The following RBM26 variants were observed in gnomAD, a reference collection of about 807,000 sequenced individuals.
RBM26 encodes the protein RNA-binding protein 26.
A neutral mutation model predicts 123.6 loss-of-function variants in RBM26; 30 were observed. The observed-to-expected ratio is 0.24, with a 90% confidence interval of 0.18 to 0.33. The LOEUF (loss-of-function observed/expected upper bound fraction) is 0.33. Ranked by LOEUF, RBM26 falls within the 10% of genes least tolerant of loss-of-function variation. The pLI is 1.00. For synonymous variants in RBM26, 400 were observed against 404.4 expected (o/e 0.99, Z 0.13); for missense variants, 947 against 1,203.6 (o/e 0.79, Z 3.15).
At chr13:79,327,461 C>A (rs972536533) in intron 20 of RBM26, among the ~76,000 whole-genome samples, 1 of 151,826 alleles carries the variant, frequency 6.6e-6, no homozygotes, top group African/African-American at 2.4e-5. Flanking sequence ...ATGTTTTTAA[C>A]ATTTTTCTAA....
rs1319379319 is a variant in RBM26 at position 79,340,619 on chromosome 13, TATAA to T, written c.2532+500_2532+503del. On this transcript the variant is annotated intron_variant, in intron 18 of 21. Coordinates refer to ENST00000438737, the MANE Select transcript of RBM26 (RefSeq NM_001366735.2). ...CAATTTCACTAGGAGTTGTTTCTTA[TATAA>T]ATAACCATCTAATTAAATTACAAGA... 3.3e-5 allele frequency among the ~76,000 whole-genome samples: 5 copies of T among 152,086 alleles called. No homozygotes were observed. The East Asian group carries it at 7.7e-4, about 23-fold the overall frequency.
chr13:79,353,541 A>T (rs1035703434), intron 13 of RBM26, among the ~76,000 whole-genome samples: 4 of 152,224 alleles, frequency 2.6e-5, no homozygotes, highest in Non-Finnish European at 4.4e-5. Context: ...ATATATGCCC[A>T]CTTACTGAGC....
intron 1 of RBM26, among the ~76,000 whole-genome samples, chr13:79,400,325 G>A (rs1232635561): frequency 6.6e-6 from 1 of 152,150 alleles, no homozygotes; most frequent in African/African-American, 2.4e-5. Flanking sequence ...GGTACTGGCA[G>A]GTTTGGCAAT....
chr13:79,375,098 A>ATATATCATATAAT (rs1566518205), intron 3 of RBM26, among the ~76,000 whole-genome samples: 1 of 1,200 alleles, frequency 8.3e-4, no homozygotes, highest in African/African-American at 3.4e-3. Context: ...ATATATATTT[A>ATATATCATATAAT]TATATATCAT....
intron 18 of RBM26, among the ~76,000 whole-genome samples, chr13:79,337,746 T>C (rs2070684596): frequency 1.3e-5 from 2 of 152,250 alleles, no homozygotes; most frequent in South Asian, 4.1e-4. Context: ...TCAAATCATT[T>C]TAATTACTTA....
intron 20 of RBM26, among the ~76,000 whole-genome samples, chr13:79,329,854 T>C (rs2069021854): frequency 6.6e-6 from 1 of 152,178 alleles, no homozygotes; most frequent in Non-Finnish European, 1.5e-5. Flanking sequence ...GTACTGTATT[T>C]TTTTAAGGCT....
chr13:79,315,747 T>G (rs2067086716), downstream of RBM26, among the ~76,000 whole-genome samples: 1 of 151,900 alleles, frequency 6.6e-6, no homozygotes, highest in Non-Finnish European at 1.5e-5. Context: ...TAGGTGTTTT[T>G]CTACTAAGCA....
chr13:79,384,609 T>A (rs1184473885), intron 1 of RBM26, among the ~76,000 whole-genome samples: 1 of 152,182 alleles, frequency 6.6e-6, no homozygotes, highest in Non-Finnish European at 1.5e-5. Flanking sequence ...GCTTCATGCA[T>A]ACCCTTTAAA....
At chr13:79,395,585 AT>A (rs1478405323) in intron 1 of RBM26, among the ~76,000 whole-genome samples, 2 of 152,038 alleles carry the variant, frequency 1.3e-5, no homozygotes, top group Non-Finnish European at 2.9e-5. Context: ...ACAAAAAAAA[AT>A]AAAAATTAAA....
chr13:79,331,813 C>T (rs971573860), intron 20 of RBM26, among the ~76,000 whole-genome samples: 7 of 152,108 alleles, frequency 4.6e-5, no homozygotes, highest in Non-Finnish European at 1.0e-4. Context: ...ATGGAAGAGA[C>T]GACTGCTTTA....
chr13:79,340,369 G>A (rs41364649), intron 18 of RBM26, among the ~76,000 whole-genome samples: 4,614 of 151,946 alleles, frequency 0.03, 177 homozygotes, highest in African/African-American at 0.085. Context: ...GATTTCTACC[G>A]TGTCCAAAAA....
intron 21 of RBM26, among the ~76,000 whole-genome samples, chr13:79,321,095 T>C (rs1322754001): frequency 4.6e-5 from 7 of 151,466 alleles, no homozygotes; most frequent in Non-Finnish European, 7.4e-5. Context: ...CAATGACTTG[T>C]ATAAAATTCT....
rs934428663 is a variant in RBM26, at chr13:79,353,227, A to C, written c.1987-3T>G. ...TTCACAGATAACTTAGTTACATTCT[A>C]AAAAAATTAAAATGGACATATTCAG... On this transcript the variant is annotated splice_polypyrimidine_tract_variant and splice_region_variant and intron_variant, in intron 13 of 21. Coordinates refer to ENST00000438737, the MANE Select transcript of RBM26 (RefSeq NM_001366735.2). The C allele has an allele frequency of 6.6e-7, 1 of 1,524,980 alleles. No homozygotes were observed. Among genetic ancestry groups the C allele is most frequent in the African/African-American group, 1.4e-5 (1 of 73,012 alleles). The allele number at this position is 1,524,980 out of a possible 1,614,324, so 94.5% of individuals were successfully genotyped here. A position where few individuals can be genotyped will look rare whatever the true frequency, so the allele number is the denominator to read the frequency against.
chr13:79,385,071 C>CG (rs2077371849), intron 1 of RBM26, among the ~76,000 whole-genome samples: 1 of 152,062 alleles, frequency 6.6e-6, no homozygotes, highest in Admixed American at 6.6e-5. Context: ...CTTTAGAACA[C>CG]GGATATGCAC....
At chr13:79,371,953 G>C (rs764092274) in intron 3 of RBM26, 23 bp from the exon 4 acceptor site, 3 of 1,419,910 alleles carry the variant, frequency 2.1e-6, no homozygotes, top group Non-Finnish European at 3.0e-6. Flanking sequence ...AAAAAAAAAA[G>C]TGTACAAGTT....
intron 1 of RBM26, among the ~76,000 whole-genome samples, chr13:79,389,874 C>T (rs565884817): frequency 2.2e-4 from 34 of 152,026 alleles, no homozygotes; most frequent in Non-Finnish European, 3.8e-4. Flanking sequence ...AAGTGCAATA[C>T]ACTCACATAA....
chr13:79,318,112 A>AT (rs2067313364), downstream of RBM26, among the ~76,000 whole-genome samples: 1 of 151,580 alleles, frequency 6.6e-6, no homozygotes, highest in Non-Finnish European at 1.5e-5. Flanking sequence ...AAGGGAGGGT[A>AT]TAAGTATGAA....
At chr13:79,334,990 G>C (rs562639807) in intron 19 of RBM26, among the ~76,000 whole-genome samples, 1 of 152,176 alleles carries the variant, frequency 6.6e-6, no homozygotes, top group South Asian at 2.1e-4. Flanking sequence ...TAGTTGTTTA[G>C]AACATTTAAA....
intron 3 of RBM26, among the ~76,000 whole-genome samples, chr13:79,373,646 GTCTATTTA>G (rs2076351176): frequency 4.9e-5 from 3 of 60,890 alleles, no homozygotes; most frequent in Non-Finnish European, 9.0e-5. Flanking sequence ...TATTTATATA[GTCTATTTA>G]TATATTTATA....
Sources: gnomAD v4.1 joint callset for allele counts (sites outside exome capture counted in the v4.1 genomes callset) on GRCh38, gnomAD v4.1.1 for gene constraint, MANE v1.5 for transcripts, NCBI Gene and HGNC (gene_info 2026-07-23, HGNC 2026-07-21) for gene names.